CHRM3: variants seen among roughly 807,000 people sequenced by gnomAD.
CHRM3 encodes cholinergic receptor muscarinic 3, also known as muscarinic acetylcholine receptor M3.
Under a neutral mutation model 41.8 loss-of-function variants are expected in CHRM3, and 11 were observed. The observed-to-expected ratio is 0.26, with a 90% CI of 0.17 to 0.44. The LOEUF (loss-of-function observed/expected upper bound fraction) is 0.44, where lower values mean the gene tolerates loss of function less well. Ranked by LOEUF, CHRM3 falls within the 20% of genes least tolerant of loss-of-function variation. The probability of loss-of-function intolerance (pLI) is 1.00; values close to 1 mark genes in which losing one functional copy is unlikely to be tolerated. For missense variants in CHRM3, 571 were observed against 745.4 expected, an observed-to-expected ratio of 0.77 and a Z score of 2.72; for synonymous variants, 297 against 301.4, an observed-to-expected ratio of 0.99 and a Z score of 0.15.
chr1:239,582,426 G>C (rs902540148), intron 3 of CHRM3, among the ~76,000 whole-genome samples: 2 of 152,060 alleles, frequency 1.3e-5, no homozygotes, highest in Non-Finnish European at 1.5e-5. Context: ...GGAAAACTGT[G>C]CACTCAGGGG....
chr1:239,593,463 C>T (rs903107357), intron 3 of CHRM3, among the ~76,000 whole-genome samples: 8 of 138,520 alleles, frequency 5.8e-5, no homozygotes, highest in Non-Finnish European at 7.8e-5. Flanking sequence ...TTATTTCTTA[C>T]GTTAGACCAT....
At chr1:239,746,865 C>G (rs1665406963) in intron 5 of CHRM3, among the ~76,000 whole-genome samples, 1 of 151,988 alleles carries the variant, frequency 6.6e-6, no homozygotes, top group African/African-American at 2.4e-5. Context: ...TCAAGTGATT[C>G]TCCTGCCTCA....
chr1:239,766,692 T>TATAG (rs1320086658), intron 5 of CHRM3, among the ~76,000 whole-genome samples: 4 of 146,752 alleles, frequency 2.7e-5, no homozygotes, highest in African/African-American at 8.2e-5. Context: ...TAGATATAGA[T>TATAG]ATAGATATAG....
At chr1:239,891,579 G>C (rs763652094) in intron 6 of CHRM3, among the ~76,000 whole-genome samples, 68 of 152,238 alleles carry the variant, frequency 4.5e-4, no homozygotes, top group Middle Eastern at 6.8e-3. Flanking sequence ...TATTTAATAA[G>C]CTATGGGAAG....
Position 239,587,038 on chromosome 1 carries a change from A to G in CHRM3, c.-313+41289A>G, listed in dbSNP as rs143486674. 5.1e-3 allele frequency among the ~76,000 whole-genome samples: 780 copies of G among 152,314 alleles called. 10 individuals are homozygous for G. Among genetic ancestry groups the G allele is most frequent in the African/African-American group, 0.018 (734 of 41,568 alleles). ...CAAGCCTATTCCTTCCCATGCTTGT[A>G]GAGAAGCTGGAGCCATGTCCTCTTC... On this transcript the variant is annotated intron_variant, in intron 3 of 6. Transcript: ENST00000676153.
chr1:239,441,598 C>T (rs1663725389), intron 1 of CHRM3, among the ~76,000 whole-genome samples: 1 of 152,146 alleles, frequency 6.6e-6, no homozygotes, highest in South Asian at 2.1e-4. Flanking sequence ...GTGGACAAAA[C>T]CAACTGTTAG....
intron 4 of CHRM3, among the ~76,000 whole-genome samples, chr1:239,668,286 A>C (rs6672022): frequency 2.0e-5 from 3 of 150,990 alleles, no homozygotes; most frequent in Non-Finnish European, 4.4e-5. Context: ...ATGGGTTTTC[A>C]CCATGTTAGC....
chr1:239,439,629 A>G (rs2103241258), intron 1 of CHRM3, among the ~76,000 whole-genome samples: 1 of 152,324 alleles, frequency 6.6e-6, no homozygotes, highest in East Asian at 1.9e-4. Flanking sequence ...AATCTACTAC[A>G]AAAAACTGAT....
intron 5 of CHRM3, among the ~76,000 whole-genome samples, chr1:239,742,619 A>G (rs1341025094): frequency 6.6e-6 from 1 of 152,160 alleles, no homozygotes; most frequent in African/African-American, 2.4e-5. Context: ...CGCCAGCCCC[A>G]CTCAAGGGGT....
chr1:239,477,355 T>G (rs1373143062), intron 1 of CHRM3, among the ~76,000 whole-genome samples: 3 of 152,178 alleles, frequency 2.0e-5, no homozygotes, highest in African/African-American at 4.8e-5. Flanking sequence ...GGTTAAGATT[T>G]AGAAAATTAT....
chr1:239,739,569 C>G (rs146730015), intron 5 of CHRM3, among the ~76,000 whole-genome samples: 295 of 152,192 alleles, frequency 1.9e-3, no homozygotes, highest in Admixed American at 7.8e-3. Context: ...TTGGAACTGG[C>G]TAACTCAGCT....
At chr1:239,741,426 C>T (rs2148497458) in intron 5 of CHRM3, among the ~76,000 whole-genome samples, 1 of 152,242 alleles carries the variant, frequency 6.6e-6, no homozygotes. Context: ...TTATGACCTT[C>T]TTCAAGGAAG....
chr1:239,856,116 C>T (rs978179624), intron 6 of CHRM3, among the ~76,000 whole-genome samples: 4 of 152,064 alleles, frequency 2.6e-5, no homozygotes, highest in African/African-American at 9.7e-5. Context: ...TGCTAACTGT[C>T]CTATCTCTAT....
At chr1:239,434,490 C>A (rs9428833) in intron 1 of CHRM3, among the ~76,000 whole-genome samples, 4,416 of 152,232 alleles carry the variant, frequency 0.029, 85 homozygotes, top group Non-Finnish European at 0.045. Context: ...ACACTGTGTG[C>A]GTGCCTCCTA....
intron 3 of CHRM3, among the ~76,000 whole-genome samples, chr1:239,625,645 G>T (rs1668946336): frequency 6.3e-5 from 1 of 15,974 alleles, no homozygotes; most frequent in Admixed American, 6.0e-4. Context: ...GTTTGTCATA[G>T]ATAGCTCTTA....
chr1:239,398,636 G>A (rs563575156), intron 1 of CHRM3, among the ~76,000 whole-genome samples: 1 of 152,224 alleles, frequency 6.6e-6, no homozygotes, highest in Non-Finnish European at 1.5e-5. Context: ...TGTGTTTCCT[G>A]TAGAATTTAA....
At chr1:239,673,084 T>C (rs1208534619) in intron 4 of CHRM3, among the ~76,000 whole-genome samples, 1 of 152,108 alleles carries the variant, frequency 6.6e-6, no homozygotes, top group Non-Finnish European at 1.5e-5. Context: ...CAAATGCACG[T>C]TCTTCCTGCC....
At chr1:239,446,412 C>G (rs1572335546) in intron 1 of CHRM3, among the ~76,000 whole-genome samples, 1 of 152,244 alleles carries the variant, frequency 6.6e-6, no homozygotes, top group East Asian at 1.9e-4. Context: ...GTAGATAATG[C>G]TGTCATTTAA....
chr1:239,804,193 C>T (rs1670440254), intron 5 of CHRM3, among the ~76,000 whole-genome samples: 1 of 152,024 alleles, frequency 6.6e-6, no homozygotes, highest in South Asian at 2.1e-4. Context: ...GAGATATTTC[C>T]AAGAGCAAAA....
Sources: gnomAD v4.1 joint callset for allele counts (sites outside exome capture counted in the v4.1 genomes callset) on GRCh38, gnomAD v4.1.1 for gene constraint, MANE v1.5 for transcripts, NCBI Gene and HGNC (gene_info 2026-07-23, HGNC 2026-07-21) for gene names.